Variants in NPSR1 observed in about 807,000 individuals in gnomAD.
NPSR1 encodes the protein neuropeptide S receptor 1.
NPSR1 carries 48 observed loss-of-function variants against 46.9 expected under a neutral mutation model. The ratio of observed to expected loss-of-function variants is 1.02; its 90% confidence interval spans 0.81 to 1.30. The LOEUF (loss-of-function observed/expected upper bound fraction) is 1.30, where lower values mean the gene tolerates loss of function less well. NPSR1 is among the 50% of genes most tolerant of loss of function. NPSR1 has a pLI of 0.00. For missense variants in NPSR1, 450 were observed against 449.5 expected, an observed-to-expected ratio of 1.00 and a Z score of -0.01; for synonymous variants, 176 against 168.1, an observed-to-expected ratio of 1.05 and a Z score of -0.36.
At chr7:34,675,914 A>C (rs560979365) in intron 1 of NPSR1, among the ~76,000 whole-genome samples, 17 of 152,286 alleles carry the variant, frequency 1.1e-4, no homozygotes, top group African/African-American at 3.9e-4. Context: ...TCAGTATTGG[A>C]CCATCTGGCT....
intron 4 of NPSR1, among the ~76,000 whole-genome samples, chr7:34,815,198 T>C (rs1789184809): frequency 6.6e-6 from 1 of 152,126 alleles, no homozygotes; most frequent in Non-Finnish European, 1.5e-5. Flanking sequence ...AATGGCTAAA[T>C]AGAATAAACA....
chr7:34,790,859 G>A lies in NPSR1; in HGVS notation c.384+12294G>A, dbSNP rs868834148. Among the ~76,000 whole-genome samples the A allele has an allele frequency of 8.0e-3, 820 of 102,410 alleles. 50 individuals carry two copies. The highest frequency in any genetic ancestry group is 0.011 in the Non-Finnish European group (602 of 53,570). 67.2% of individuals were successfully genotyped at this position (102,410 alleles called of 152,430 possible). On this transcript the variant is annotated intron_variant, in intron 3 of 8. Coordinates refer to ENST00000360581, the MANE Select transcript of NPSR1 (RefSeq NM_207172.2). ...ATGTTATATATATGTTATATGTTAT[G>A]TTATATATGTTATATGTTATATTAT...
intron 2 of NPSR1, among the ~76,000 whole-genome samples, chr7:34,733,419 A>T (rs1298675889): frequency 5.3e-5 from 2 of 37,774 alleles, no homozygotes; most frequent in African/African-American, 1.5e-4. Flanking sequence ...ATTTTGTCTT[A>T]AAAAAAAAAA....
At chr7:34,764,924 C>T (rs116459703) in intron 2 of NPSR1, among the ~76,000 whole-genome samples, 1,604 of 152,096 alleles carry the variant, frequency 0.011, 28 homozygotes, top group African/African-American at 0.037. Context: ...AAAGAGAAGC[C>T]CTAAAACCAC....
chr7:34,783,934 G>A (rs1303173461), intron 3 of NPSR1, among the ~76,000 whole-genome samples: 1 of 151,840 alleles, frequency 6.6e-6, no homozygotes, highest in Non-Finnish European at 1.5e-5. Flanking sequence ...ATCAAGTAGA[G>A]AGAAAGATTT....
At chr7:34,785,684 A>G (rs925921423) in intron 3 of NPSR1, among the ~76,000 whole-genome samples, 2 of 152,136 alleles carry the variant, frequency 1.3e-5, no homozygotes, top group Non-Finnish European at 1.5e-5. Flanking sequence ...AATAATAGCT[A>G]CAATAGAGGT....
Position 34,801,889 on chromosome 7 carries a change from A to G in NPSR1, c.385-9881A>G, listed in dbSNP as rs995676801. Among the ~76,000 whole-genome samples the G allele has an allele frequency of 6.0e-5, 9 of 149,914 alleles. 1 individual carries two copies. Among genetic ancestry groups the G allele is most frequent in the African/African-American group, 1.3e-4 (5 of 39,268 alleles). On this transcript the variant is annotated intron_variant, in intron 3 of 8. Transcript: ENST00000360581. Reference sequence around the variant, plus strand: ...AAGTCTCAGGATACAAAATCAATGTACAAAAATCACAAGCATTCTTATACA... The same window carrying G: ...AAGTCTCAGGATACAAAATCAATGTGCAAAAATCACAAGCATTCTTATACA...
chr7:34,667,507 C>T (rs1429402394), intron 1 of NPSR1, among the ~76,000 whole-genome samples: 2 of 152,172 alleles, frequency 1.3e-5, no homozygotes, highest in Non-Finnish European at 2.9e-5. Context: ...CCTGGCCTCT[C>T]CACTTTCCCC....
chr7:34,830,198 T>C (rs983857967), intron 5 of NPSR1, among the ~76,000 whole-genome samples: 1 of 151,984 alleles, frequency 6.6e-6, no homozygotes, highest in Non-Finnish European at 1.5e-5. Flanking sequence ...TTATTACCTA[T>C]ATTCTGGCCC....
At chr7:34,713,127 C>A (rs547996256) in intron 2 of NPSR1, among the ~76,000 whole-genome samples, 32 of 152,286 alleles carry the variant, frequency 2.1e-4, no homozygotes, top group African/African-American at 7.5e-4. Flanking sequence ...CTGAGCAGAG[C>A]GGCTACTGTT....
At chr7:34,877,817 G>C (rs530995271) in intron 8 of NPSR1, among the ~76,000 whole-genome samples, 178 of 152,292 alleles carry the variant, frequency 1.2e-3, no homozygotes, top group African/African-American at 4.1e-3. Context: ...AATGCCAGTT[G>C]TCACTTCAAA....
intron 2 of NPSR1, among the ~76,000 whole-genome samples, chr7:34,768,788 C>T (rs1428866510): frequency 6.6e-6 from 1 of 151,996 alleles, no homozygotes; most frequent in East Asian, 1.9e-4. Context: ...TAGAGTATGC[C>T]AAATAATAGT....
At chr7:34,773,559 C>A (rs1786791873) in intron 2 of NPSR1, among the ~76,000 whole-genome samples, 1 of 152,178 alleles carries the variant, frequency 6.6e-6, no homozygotes, top group Non-Finnish European at 1.5e-5. Context: ...TGATGCAGGA[C>A]AGAGGGGAAC....
chr7:34,849,755 C>T lies in NPSR1; in HGVS notation c.*100C>T. On this transcript the variant is annotated 3_prime_UTR_variant, in exon 9 of 9. Transcript: ENST00000360581. ...CATGGAACCCGAGCCAACTTCACCC[C>T]ACCCTCGTCATTACCTGGGAGATGC... 2 of 1,562,282 alleles carry T rather than the reference C, an allele frequency of 1.3e-6. No homozygotes were observed. Among genetic ancestry groups the T allele is most frequent in the Non-Finnish European group, 1.7e-6 (2 of 1,155,422 alleles).
rs374751866 is a variant in NPSR1, at chr7:34,726,861, G to T, written c.280+42177G>T. Among the ~76,000 whole-genome samples, 20 of 152,056 alleles carry T rather than the reference G, an allele frequency of 1.3e-4. 1 individual carries two copies. The highest frequency in any genetic ancestry group is 1.2e-3 in the East Asian group (6 of 5,196). ...ATCAGCAGCTTTCAGGGATTAGGGA[G>T]GGGGAGGGATTAATCAGCAGAGCAT... On this transcript the variant is annotated intron_variant, in intron 2 of 8. Transcript: ENST00000360581.
intron 3 of NPSR1, among the ~76,000 whole-genome samples, chr7:34,809,990 A>G (rs1458898800): frequency 3.3e-5 from 5 of 152,148 alleles, no homozygotes; most frequent in Non-Finnish European, 7.4e-5. Context: ...CGAGCCTTCA[A>G]TTTCTAATCA....
chr7:34,684,592 C>T lies in NPSR1; in HGVS notation c.188C>T (p.Thr63Ile), dbSNP rs755050843. ...LITLWVLFVF[T>I]IVGNSVVLFS... Reference sequence around the variant, plus strand: ...ACTCTGTGGGTCCTCTTTGTTTTTACCATTGTTGGAAACTCCGTTGTGCTT... The same window carrying T: ...ACTCTGTGGGTCCTCTTTGTTTTTATCATTGTTGGAAACTCCGTTGTGCTT... The change falls in exon 2 of 9, where the codon ACC becomes ATC. Residue 63 changes from threonine (T) to isoleucine (I), a missense_variant. Thr to Ile is a moderately conservative substitution (Grantham distance 89). Transcript: ENST00000360581. 291 of 1,613,502 alleles carry T rather than the reference C, an allele frequency of 1.8e-4. No individual in the cohort carries two copies. The highest frequency in any genetic ancestry group is 2.3e-4 in the Non-Finnish European group (275 of 1,179,796).
At chr7:34,785,011 C>T (rs959519799) in intron 3 of NPSR1, among the ~76,000 whole-genome samples, 14 of 151,994 alleles carry the variant, frequency 9.2e-5, no homozygotes, top group Admixed American at 6.6e-4. Context: ...TACCATTTGA[C>T]CCAGCCATCC....
At chr7:34,797,170 G>A (rs1273516350) in intron 3 of NPSR1, among the ~76,000 whole-genome samples, 1 of 152,138 alleles carries the variant, frequency 6.6e-6, no homozygotes, top group Non-Finnish European at 1.5e-5. Flanking sequence ...AAACATTAGT[G>A]GTTGCCAGGG....
Sources: gnomAD v4.1 joint callset for allele counts (sites outside exome capture counted in the v4.1 genomes callset) on GRCh38, gnomAD v4.1.1 for gene constraint, MANE v1.5 for transcripts, NCBI Gene and HGNC (gene_info 2026-07-23, HGNC 2026-07-21) for gene names.